The following POU2F2 variants were observed in gnomAD, a reference collection of about 807,000 sequenced individuals.
The protein encoded by POU2F2 is POU domain, class 2, transcription factor 2.
POU2F2 carries 14 observed loss-of-function variants against 63.5 expected under a neutral mutation model. The observed-to-expected ratio is 0.22, with a 90% CI of 0.15 to 0.34. The LOEUF is 0.34. Ranked by LOEUF, POU2F2 falls within the 10% of genes least tolerant of loss-of-function variation. POU2F2 has a pLI of 1.00. For missense variants in POU2F2, 607 were observed against 815.2 expected (o/e 0.74, Z 3.11); for synonymous variants, 306 against 348.6 (o/e 0.88, Z 1.36).
At chr19:42,189,069 A>G (rs1049576021) in intron 1 of POU2F2, among the ~76,000 whole-genome samples, 1 of 152,190 alleles carries the variant, frequency 6.6e-6, no homozygotes, top group Non-Finnish European at 1.5e-5. Flanking sequence ...TGGATTTGGC[A>G]AGAGAAAGTC....
upstream of POU2F2, among the ~76,000 whole-genome samples, chr19:42,135,705 CTT>C (rs574885235): frequency 2.8e-5 from 4 of 141,396 alleles, no homozygotes; most frequent in Non-Finnish European, 6.2e-5. Flanking sequence ...AGTCCAGGCT[CTT>C]TTTTTTTTTT....
intron 2 of POU2F2, among the ~76,000 whole-genome samples, chr19:42,138,888 G>C (rs2034071622): frequency 6.6e-6 from 1 of 152,154 alleles, no homozygotes. Flanking sequence ...GTCAGCAGAT[G>C]CTTAACAAAT....
intron 1 of POU2F2, among the ~76,000 whole-genome samples, chr19:42,192,229 G>A (rs73552843): frequency 0.12 from 17,979 of 152,068 alleles, 3,472 homozygotes; most frequent in African/African-American, 0.41. Context: ...TTGGGGTGGA[G>A]AGGAAGTCTA....
chr19:42,127,544 G>A (rs1007359625), intron 1 of POU2F2, among the ~76,000 whole-genome samples: 1 of 151,968 alleles, frequency 6.6e-6, no homozygotes, highest in African/African-American at 2.4e-5. Flanking sequence ...CACTACGACT[G>A]GCTAATTTTT....
At chr19:42,150,528 A>T (rs1202264183) in intron 2 of POU2F2, among the ~76,000 whole-genome samples, 2 of 151,008 alleles carry the variant, frequency 1.3e-5, no homozygotes, top group African/African-American at 4.9e-5. Flanking sequence ...TTTATTGCCA[A>T]GAAACTGGAT....
At chr19:42,122,270 G>A in intron 3 of POU2F2, 74 bp downstream of exon 3, 1 of 1,507,868 alleles carries the variant, frequency 6.6e-7, no homozygotes, top group Non-Finnish European at 9.0e-7. Context: ...CCTACCATAG[G>A]CGGCACAGAG....
chr19:42,100,568 A>T (rs1277132726), intron 5 of POU2F2, among the ~76,000 whole-genome samples: 3 of 151,632 alleles, frequency 2.0e-5, no homozygotes, highest in Admixed American at 2.0e-4. Flanking sequence ...CCTGGCCAAC[A>T]TGGCAAAATC....
chr19:42,145,623 T>C (rs867231958), intron 2 of POU2F2, among the ~76,000 whole-genome samples: 6 of 152,164 alleles, frequency 3.9e-5, no homozygotes, highest in South Asian at 2.1e-4. Flanking sequence ...TTGGAAAAGC[T>C]TGGGAGAGGG....
intron 2 of POU2F2, among the ~76,000 whole-genome samples, chr19:42,143,815 C>T (rs1271856719): frequency 6.6e-6 from 1 of 152,194 alleles, no homozygotes; most frequent in Non-Finnish European, 1.5e-5. Context: ...CGTCCCCTTA[C>T]TTACTCCAGA....
intron 1 of POU2F2, among the ~76,000 whole-genome samples, chr19:42,182,242 A>AAGAGAGAGAGAGAGAGAG (rs55947953): frequency 1.0e-4 from 13 of 125,996 alleles, no homozygotes; most frequent in East Asian, 2.3e-4. Flanking sequence ...TCTGTCTCAA[A>AAGAGAGAGAGAGAGAGAG]AGAGAGAGAG....
At chr19:42,122,025 C>G (rs1450328527) in intron 4 of POU2F2, 101 bp downstream of exon 4, 2 of 1,259,964 alleles carry the variant, frequency 1.6e-6, no homozygotes, top group Non-Finnish European at 2.3e-6. Flanking sequence ...TACCAAGGTA[C>G]CAAGGCTCAG....
chr19:42,142,279 C>T (rs963096138), intron 2 of POU2F2, among the ~76,000 whole-genome samples: 1 of 152,096 alleles, frequency 6.6e-6, no homozygotes, highest in Non-Finnish European at 1.5e-5. Flanking sequence ...CAACCTCTGC[C>T]TCCCGGGTTC....
At chr19:42,196,155 A>T (rs2035143176) in intron 1 of POU2F2, among the ~76,000 whole-genome samples, 1 of 151,818 alleles carries the variant, frequency 6.6e-6, no homozygotes, top group Admixed American at 6.6e-5. Context: ...CTGGGCTCCG[A>T]CCCGCTGTGT....
At chr19:42,120,525 C>T (rs887526413) in intron 4 of POU2F2, among the ~76,000 whole-genome samples, 6 of 152,218 alleles carry the variant, frequency 3.9e-5, no homozygotes, top group African/African-American at 1.2e-4. Flanking sequence ...CAGCCCTAAT[C>T]TCCTTTTTTA....
intron 1 of POU2F2, among the ~76,000 whole-genome samples, chr19:42,172,739 CCCT>C (rs2034795568): frequency 1.3e-5 from 2 of 152,296 alleles, no homozygotes; most frequent in South Asian, 4.1e-4. Flanking sequence ...TGCTGGCTCT[CCCT>C]TCAGGATATA....
At chr19:42,129,993 C>T (rs186343766) in intron 1 of POU2F2, among the ~76,000 whole-genome samples, 34 of 152,264 alleles carry the variant, frequency 2.2e-4, no homozygotes, top group African/African-American at 7.5e-4. Context: ...TTTGCAGATA[C>T]GACACATGCC....
At position 42,089,753 on chromosome 19, in the gene POU2F2, T is replaced by C. The variant is rs2146262622; in HGVS notation, c.*1504A>G. The C allele has an allele frequency of 6.7e-6, 1 of 148,986 alleles. No homozygotes were observed. Among genetic ancestry groups the C allele is most frequent in the Non-Finnish European group, 1.5e-5 (1 of 67,378 alleles). 9.2% of individuals were successfully genotyped at this position (148,986 alleles called of 1,614,324 possible). A position where few individuals can be genotyped will look rare whatever the true frequency, so the allele number is the denominator to read the frequency against. ...ATATGTTTATATATATATATAAATT[T>C]TTTTTCTAGTTTAAATTTATTGTTT... On this transcript the variant is annotated 3_prime_UTR_variant, in exon 15 of 15. Coordinates refer to ENST00000692977, the MANE Select transcript of POU2F2 (RefSeq NM_001394376.1).
rs546968059 is a variant in POU2F2, at chr19:42,099,293, T to C, written c.567+234A>G. The C allele has an allele frequency of 1.4e-5, 7 of 513,954 alleles. No individual in the cohort carries two copies. In the South Asian group the frequency reaches 1.6e-4, roughly 12 times the overall value. 31.8% of individuals were successfully genotyped at this position (513,954 alleles called of 1,614,324 possible). A position where few individuals can be genotyped will look rare whatever the true frequency, so the allele number is the denominator to read the frequency against. On this transcript the variant is annotated intron_variant, in intron 7 of 14. Coordinates refer to ENST00000692977, the MANE Select transcript of POU2F2 (RefSeq NM_001394376.1). Reference sequence around the variant, plus strand: ...TTCATCATATTCTCAAAGGAGCTCATGTACTAGAAAGGGTTAAGAACCACT... The same window carrying C: ...TTCATCATATTCTCAAAGGAGCTCACGTACTAGAAAGGGTTAAGAACCACT...
intron 1 of POU2F2, among the ~76,000 whole-genome samples, chr19:42,131,136 A>C (rs1600163508): frequency 6.2e-5 from 2 of 32,508 alleles, no homozygotes; most frequent in Admixed American, 4.2e-4. Context: ...CCCCCATCCC[A>C]GCCCTGACCC....
Sources: gnomAD v4.1 joint callset for allele counts (sites outside exome capture counted in the v4.1 genomes callset) on GRCh38, gnomAD v4.1.1 for gene constraint, MANE v1.5 for transcripts, NCBI Gene and HGNC (gene_info 2026-07-23, HGNC 2026-07-21) for gene names.